The following CSMD2 variants were observed in gnomAD, a reference collection of about 807,000 sequenced individuals.
The protein encoded by CSMD2 is CUB and Sushi multiple domains 2, also known as CUB and sushi domain-containing protein 2.
In CSMD2, 130 loss-of-function variants were observed where a neutral mutation model predicts 398.5. The ratio of observed to expected loss-of-function variants is 0.33; its 90% confidence interval spans 0.28 to 0.38. The LOEUF (loss-of-function observed/expected upper bound fraction) is 0.38, where lower values mean the gene tolerates loss of function less well. CSMD2 is among the 10% of genes least tolerant of loss of function. The pLI is 1.00. For missense variants in CSMD2, 3,829 were observed against 4,764.9 expected (o/e 0.80, Z 5.78); for synonymous variants, 1,828 against 1,908.5 (o/e 0.96, Z 1.10).
At chr1:33,837,920 G>C (rs116561143) in intron 6 of CSMD2, among the ~76,000 whole-genome samples, 1 of 152,158 alleles carries the variant, frequency 6.6e-6, no homozygotes, top group South Asian at 2.1e-4. Context: ...AAAGGTTAGC[G>C]GGACACATGG....
At chr1:33,587,297 T>G in intron 44 of CSMD2, 129 bp from the exon 45 acceptor site, 2 of 681,844 alleles carry the variant, frequency 2.9e-6, no homozygotes, top group Non-Finnish European at 4.8e-6. Flanking sequence ...AGTACTTATC[T>G]GTAAACAGGG....
chr1:34,095,044 A>G (rs2148390634), intron 1 of CSMD2, among the ~76,000 whole-genome samples: 1 of 121,254 alleles, frequency 8.2e-6, no homozygotes, highest in East Asian at 2.3e-4. Flanking sequence ...AAGAACAGAA[A>G]TTATAACAAA....
chr1:34,047,543 A>T (rs968681572), intron 2 of CSMD2, among the ~76,000 whole-genome samples: 3 of 152,254 alleles, frequency 2.0e-5, no homozygotes, highest in Middle Eastern at 3.4e-3. Context: ...TTTTCCCACC[A>T]GTGTGTGAAT....
chr1:33,911,963 A>G (rs970269258), intron 5 of CSMD2, among the ~76,000 whole-genome samples: 2 of 152,226 alleles, frequency 1.3e-5, no homozygotes, highest in African/African-American at 4.8e-5. Flanking sequence ...AAGCCCTAGA[A>G]GAATGCGCTT....
In CSMD2 at chr1:33,611,243, G is replaced by A. The variant is rs1329970159; in HGVS notation, c.6141C>T (p.His2047=). ...KIALPVGFGA[H]IQFLNFSTEP... ...CGGTGGAGAAGTTCAGGAACTGGAT[G>A]TGAGCTCCTGGGAGCAAGACAGAGG... Residue 2047 remains histidine (H), a synonymous_variant, in exon 41 of 71, where the codon CAC becomes CAT. Transcript: ENST00000373381. The A allele has an allele frequency of 2.5e-6, 4 of 1,613,712 alleles. No individual in the cohort carries two copies. Among genetic ancestry groups the A allele is most frequent in the African/African-American group, 1.3e-5 (1 of 74,898 alleles).
intron 1 of CSMD2, among the ~76,000 whole-genome samples, chr1:34,103,140 C>G (rs1660148910): frequency 6.6e-6 from 1 of 152,064 alleles, no homozygotes; most frequent in Non-Finnish European, 1.5e-5. Flanking sequence ...AACTCATTAC[C>G]TTCTCCAGAA....
rs866459192 is a variant in CSMD2, at chr1:33,997,713, G to T, written c.517+34881C>A. On this transcript the variant is annotated intron_variant, in intron 3 of 70. Coordinates refer to ENST00000373381, the MANE Select transcript of CSMD2 (RefSeq NM_001281956.2). Reference sequence around the variant, plus strand: ...TGTGCAGCTAATAAAACAGAAGAAAGAAAAGAGAGAAAGAGAGAGTTGGAG... The same window carrying T: ...TGTGCAGCTAATAAAACAGAAGAAATAAAAGAGAGAAAGAGAGAGTTGGAG... Among the ~76,000 whole-genome samples, 8 of 152,104 alleles carry T rather than the reference G, an allele frequency of 5.3e-5. No homozygotes were observed. In the South Asian group the frequency reaches 1.5e-3, roughly 28 times the overall value.
At chr1:33,971,356 C>T (rs531066) in intron 3 of CSMD2, among the ~76,000 whole-genome samples, 68,542 of 152,090 alleles carry the variant, frequency 0.45, 15,550 homozygotes, top group South Asian at 0.54. Context: ...TGCATGCCCG[C>T]GACCAATCTT....
chr1:33,784,645 G>A (rs1003568234), intron 12 of CSMD2, among the ~76,000 whole-genome samples: 1 of 152,144 alleles, frequency 6.6e-6, no homozygotes, highest in African/African-American at 2.4e-5. Flanking sequence ...CCCTAGGTGG[G>A]GAGTGCTGGT....
intron 15 of CSMD2, among the ~76,000 whole-genome samples, chr1:33,731,688 C>T (rs1175137304): frequency 6.6e-6 from 1 of 152,112 alleles, no homozygotes; most frequent in African/African-American, 2.4e-5. Context: ...AGACTTGAGA[C>T]ATATCAGCCA....
chr1:33,792,933 G>A (rs577486678), intron 10 of CSMD2, among the ~76,000 whole-genome samples: 61 of 152,292 alleles, frequency 4.0e-4, no homozygotes, highest in African/African-American at 1.3e-3. Flanking sequence ...AGTTTCTCTC[G>A]TCTTCTCCTC....
intron 5 of CSMD2, among the ~76,000 whole-genome samples, chr1:33,847,902 A>C (rs1461158765): frequency 1.3e-5 from 2 of 152,198 alleles, no homozygotes; most frequent in African/African-American, 4.8e-5. Context: ...AGTCCCTGGC[A>C]ATAACAAGCT....
At chr1:33,572,100 G>A (rs1243355067) in intron 50 of CSMD2, among the ~76,000 whole-genome samples, 3 of 152,124 alleles carry the variant, frequency 2.0e-5, no homozygotes, top group Non-Finnish European at 2.9e-5. Context: ...ATAAAGCACC[G>A]TGTAGGCCAA....
At chr1:33,944,316 G>C (rs1570585877) in intron 3 of CSMD2, among the ~76,000 whole-genome samples, 1 of 152,112 alleles carries the variant, frequency 6.6e-6, no homozygotes, top group African/African-American at 2.4e-5. Context: ...TGTGGGGCGA[G>C]TGGGCTGCAC....
In CSMD2 at chr1:33,519,808, G is replaced by A; in HGVS notation, c.10736+4C>T. 4.3e-6 allele frequency: 7 copies of A among 1,613,718 alleles called. No individual in the cohort carries two copies. Among genetic ancestry groups the A allele is most frequent in the Non-Finnish European group, 5.9e-6 (7 of 1,179,908 alleles). On this transcript the variant is annotated splice_donor_region_variant and intron_variant, in intron 69 of 70. Transcript: ENST00000373381. The surrounding 1 kb of genome is among the most constrained non-coding windows in gnomAD (Gnocchi z 5.6). ...GCCCGCCCTGCCTCCTTCCTGCACGGTACCTGTGCTTGTAGAGATAGAGCA... is the reference window on the plus strand; with the variant it reads ...GCCCGCCCTGCCTCCTTCCTGCACGATACCTGTGCTTGTAGAGATAGAGCA...
Position 33,519,877 on chromosome 1 carries a change from G to A in CSMD2, c.10671C>T (p.Ala3557=), listed in dbSNP as rs41265911. 100 of 1,614,132 alleles carry A rather than the reference G, an allele frequency of 6.2e-5. No individual in the cohort carries two copies. The highest frequency in any genetic ancestry group is 7.4e-5 in the Non-Finnish European group (87 of 1,180,020). The change falls in exon 69 of 71, where the codon GCC becomes GCT. Residue 3557 remains alanine, a synonymous_variant. Coordinates refer to ENST00000373381, the MANE Select transcript of CSMD2 (RefSeq NM_001281956.2). The surrounding 1 kb of genome is among the most constrained non-coding windows in gnomAD (Gnocchi z 5.6). Reference sequence around the variant, plus strand: ...GGGCGATGAAAGGCACCAGGATCGCGGCTGCCACTGAGCTGCTGTTGGAAG... The same window carrying A: ...GGGCGATGAAAGGCACCAGGATCGCAGCTGCCACTGAGCTGCTGTTGGAAG... The part of the protein sequence containing the change: ...HFASNSSSVA[A]AILVPFIALI...
intron 2 of CSMD2, among the ~76,000 whole-genome samples, chr1:34,081,391 C>T (rs1291501689): frequency 6.6e-6 from 1 of 151,842 alleles, no homozygotes; most frequent in African/African-American, 2.4e-5. Flanking sequence ...AGGCAGTGGT[C>T]GTCCCTCTCC....
chr1:34,139,257 TG>T (rs1311062867), intron 1 of CSMD2, among the ~76,000 whole-genome samples: 1 of 151,898 alleles, frequency 6.6e-6, no homozygotes, highest in Non-Finnish European at 1.5e-5. Context: ...ATCATGGGAG[TG>T]GAAGTGGTGG....
rs201053172 is a variant in CSMD2, at chr1:33,519,591, C to T, written c.10823G>A (p.Arg3608His). The part of the protein sequence containing the change: ...RATFENPMYD[R>H]NIQPTDIMAS... ...CATGATGTCTGTGGGCTGGATGTTG[C>T]GGTCGTACATTGGGTTCTCAAATGT... The change falls in exon 70 of 71, where the codon CGC becomes CAC. Residue 3608 changes from arginine (R) to histidine (H), a missense_variant. Physicochemically the swap from Arg to His is conservative, Grantham distance 29. Transcript: ENST00000373381. This position sits in a 1 kb window ranked among gnomAD's most constrained non-coding sequence, Gnocchi z 5.6. The T allele has an allele frequency of 9.5e-5, 154 of 1,614,010 alleles. No individual in the cohort carries two copies. The highest frequency in any genetic ancestry group is 1.2e-4 in the Non-Finnish European group (144 of 1,180,012).
Sources: allele counts gnomAD v4.1 joint callset (sites outside exome capture counted in the v4.1 genomes callset), GRCh38; gene constraint gnomAD v4.1.1; non-coding constraint Gnocchi (gnomAD v3.1); transcripts MANE v1.5; gene names NCBI Gene and HGNC (gene_info 2026-07-23, HGNC 2026-07-21).